ADGRL3: variants seen among roughly 807,000 people sequenced by gnomAD.
ADGRL3 encodes the protein calcium-independent alpha-latrotoxin receptor 3.
A neutral mutation model predicts 153.5 loss-of-function variants in ADGRL3; 62 were observed. The observed-to-expected ratio is 0.40, with a 90% CI of 0.33 to 0.50. The LOEUF is 0.50. ADGRL3 is among the 20% of genes least tolerant of loss of function. ADGRL3 has a pLI of 0.47. For missense variants in ADGRL3, 1,641 were observed against 1,859.4 expected, an observed-to-expected ratio of 0.88 and a Z score of 2.16; for synonymous variants, 710 against 672.5, an observed-to-expected ratio of 1.06 and a Z score of -0.86.
intron 1 of ADGRL3, among the ~76,000 whole-genome samples, chr4:61,360,183 A>G (rs1012359907): frequency 2.6e-5 from 4 of 152,196 alleles, no homozygotes; most frequent in African/African-American, 9.6e-5. Flanking sequence ...ATAATAATCT[A>G]TGCTTGATGT....
chr4:62,017,651 T>C (rs992109662), intron 21 of ADGRL3, among the ~76,000 whole-genome samples: 3 of 152,128 alleles, frequency 2.0e-5, no homozygotes, highest in African/African-American at 7.2e-5. Flanking sequence ...TTTTTTGTCC[T>C]GGTAAAGATA....
chr4:61,891,194 G>A (rs2098581818), intron 9 of ADGRL3, among the ~76,000 whole-genome samples: 1 of 130,162 alleles, frequency 7.7e-6, no homozygotes, highest in South Asian at 2.4e-4. Context: ...AACGTAGATA[G>A]TGATGATTAG....
intron 19 of ADGRL3, among the ~76,000 whole-genome samples, chr4:61,985,899 A>T (rs1210475052): frequency 1.4e-5 from 1 of 73,670 alleles, no homozygotes; most frequent in African/African-American, 5.3e-5. Context: ...GAAACAGACT[A>T]GGATTAGTAA....
intron 9 of ADGRL3, among the ~76,000 whole-genome samples, chr4:61,882,384 C>A (rs1405357959): frequency 6.6e-6 from 1 of 152,148 alleles, no homozygotes; most frequent in Non-Finnish European, 1.5e-5. Flanking sequence ...ATATCCATAT[C>A]ATTCTAATTG....
At chr4:61,869,612 G>A (rs1266030422) in intron 9 of ADGRL3, among the ~76,000 whole-genome samples, 1 of 151,326 alleles carries the variant, frequency 6.6e-6, no homozygotes, top group Non-Finnish European at 1.5e-5. Context: ...CTCAAAAAAA[G>A]AAAAACAAAA....
chr4:61,794,000 T>TA, intron 8 of ADGRL3, among the ~76,000 whole-genome samples: 1 of 152,180 alleles, frequency 6.6e-6, no homozygotes, highest in Non-Finnish European at 1.5e-5. Flanking sequence ...CTCTAATACA[T>TA]AATGACCAGT....
chr4:61,557,260 A>G (rs1390443023), intron 4 of ADGRL3, among the ~76,000 whole-genome samples: 2 of 152,188 alleles, frequency 1.3e-5, no homozygotes, highest in Non-Finnish European at 2.9e-5. Flanking sequence ...TCAGTTTAAA[A>G]TGATTCTTCA....
intron 17 of ADGRL3, among the ~76,000 whole-genome samples, chr4:61,970,760 A>T (rs2099024106): frequency 6.6e-6 from 1 of 152,182 alleles, no homozygotes; most frequent in Non-Finnish European, 1.5e-5. Flanking sequence ...AAGAAATATA[A>T]TAATATTGTC....
chr4:61,629,189 T>C (rs1373015662), intron 5 of ADGRL3, among the ~76,000 whole-genome samples: 2 of 152,188 alleles, frequency 1.3e-5, no homozygotes, highest in African/African-American at 4.8e-5. Context: ...ATTTTCATTT[T>C]CTGAAAGAAC....
At chr4:61,980,718 G>GGT (rs1467887479) in intron 18 of ADGRL3, among the ~76,000 whole-genome samples, 1 of 152,156 alleles carries the variant, frequency 6.6e-6, no homozygotes, top group Non-Finnish European at 1.5e-5. Flanking sequence ...TGGGATTACA[G>GGT]GTGTGAGGCA....
intron 1 of ADGRL3, among the ~76,000 whole-genome samples, chr4:61,278,503 T>TTTTC (rs1157292494): frequency 6.6e-6 from 1 of 152,136 alleles, no homozygotes; most frequent in Non-Finnish European, 1.5e-5. Flanking sequence ...TTTCTTTTTC[T>TTTTC]TTTCTTTCTT....
intron 9 of ADGRL3, among the ~76,000 whole-genome samples, chr4:61,815,736 T>C (rs2097681056): frequency 6.6e-6 from 1 of 152,236 alleles, no homozygotes; most frequent in Admixed American, 6.5e-5. Flanking sequence ...ACTGACCTAA[T>C]GAATGGATTG....
At chr4:61,412,297 A>G (rs2097096978) in intron 2 of ADGRL3, among the ~76,000 whole-genome samples, 1 of 152,038 alleles carries the variant, frequency 6.6e-6, no homozygotes, top group South Asian at 2.1e-4. Flanking sequence ...TTTGTTGCTT[A>G]GTCTGGTCTC....
chr4:61,505,297 G>A (rs1015720164), intron 3 of ADGRL3, among the ~76,000 whole-genome samples: 3 of 152,046 alleles, frequency 2.0e-5, no homozygotes, highest in Non-Finnish European at 4.4e-5. Context: ...AAATCAGATT[G>A]ATTTTTTTCC....
At chr4:61,378,335 G>C (rs919010967) in intron 1 of ADGRL3, among the ~76,000 whole-genome samples, 10 of 151,976 alleles carry the variant, frequency 6.6e-5, no homozygotes, top group Non-Finnish European at 1.5e-5. Context: ...TCATTTAGCC[G>C]TTCTCAAAGT....
At chr4:61,846,162 T>A (rs2098113971) in intron 9 of ADGRL3, among the ~76,000 whole-genome samples, 1 of 151,650 alleles carries the variant, frequency 6.6e-6, no homozygotes, top group South Asian at 2.1e-4. Context: ...CAAAAGATTT[T>A]AAAAATCAGG....
At chr4:61,280,101 TCTTTTCTTTTTC>T (rs1292703727) in intron 1 of ADGRL3, among the ~76,000 whole-genome samples, 23 of 125,982 alleles carry the variant, frequency 1.8e-4, no homozygotes, top group Non-Finnish European at 2.7e-4. Context: ...TCTTTTCTTT[TCTTTTCTTTTTC>T]TTTTTTTTTT....
At chr4:62,041,356 C>A (rs1728178744) in intron 24 of ADGRL3, among the ~76,000 whole-genome samples, 1 of 151,808 alleles carries the variant, frequency 6.6e-6, no homozygotes, top group Non-Finnish European at 1.5e-5. Flanking sequence ...GAAATAATAT[C>A]TTTTGACTTT....
At chr4:62,016,088 C>T (rs988523173) in intron 21 of ADGRL3, among the ~76,000 whole-genome samples, 7 of 151,334 alleles carry the variant, frequency 4.6e-5, no homozygotes, top group African/African-American at 1.5e-4. Flanking sequence ...CTCGCTCTGT[C>T]ACCAGGCTGG....
Sources: gnomAD v4.1 joint callset for allele counts (sites outside exome capture counted in the v4.1 genomes callset) on GRCh38, gnomAD v4.1.1 for gene constraint, MANE v1.5 for transcripts, NCBI Gene and HGNC (gene_info 2026-07-23, HGNC 2026-07-21) for gene names.